The following ANKRD6 variants were observed in gnomAD, a reference collection of about 807,000 sequenced individuals.
The protein encoded by ANKRD6 is ankyrin repeat domain 6.
ANKRD6 carries 56 observed loss-of-function variants against 82.3 expected under a neutral mutation model. The observed-to-expected ratio is 0.68, with a 90% CI of 0.55 to 0.85. ANKRD6 has a LOEUF of 0.85. ANKRD6 is among the 40% of genes least tolerant of loss of function. ANKRD6 has a pLI of 0.00. For synonymous variants in ANKRD6, 347 were observed against 352.1 expected, an observed-to-expected ratio of 0.99 and a Z score of 0.16; for missense variants, 852 against 907.6, an observed-to-expected ratio of 0.94 and a Z score of 0.79.
chr6:89,523,376 A>T (rs928981170), intron 1 of ANKRD6, among the ~76,000 whole-genome samples: 3 of 152,202 alleles, frequency 2.0e-5, no homozygotes, highest in African/African-American at 7.2e-5. Context: ...TAAAGATAAG[A>T]TATTGAAGAA....
At chr6:89,514,409 T>G (rs746185585) in intron 1 of ANKRD6, among the ~76,000 whole-genome samples, 2 of 152,068 alleles carry the variant, frequency 1.3e-5, no homozygotes, top group Non-Finnish European at 2.9e-5. Flanking sequence ...GTTTTTGTTT[T>G]GTTTTGTTTT....
chr6:89,477,644 G>A (rs1254809766), intron 1 of ANKRD6, among the ~76,000 whole-genome samples: 1 of 151,782 alleles, frequency 6.6e-6, no homozygotes, highest in Non-Finnish European at 1.5e-5. Context: ...GGTGGCGGGT[G>A]CCTGTAGTCC....
intron 1 of ANKRD6, among the ~76,000 whole-genome samples, chr6:89,456,095 G>A (rs1311014178): frequency 1.3e-5 from 2 of 152,096 alleles, no homozygotes; most frequent in Admixed American, 6.6e-5. Context: ...GGCTGGTCTG[G>A]AACTCCTGAC....
chr6:89,479,444 A>C (rs1017791927), intron 1 of ANKRD6, among the ~76,000 whole-genome samples: 1 of 152,144 alleles, frequency 6.6e-6, no homozygotes, highest in African/African-American at 2.4e-5. Context: ...TACCAGATGG[A>C]GCTTTCCTGG....
Position 89,623,286 on chromosome 6 carries a change from G to T in ANKRD6, c.898-124G>T, listed in dbSNP as rs2128255531. 1.9e-5 allele frequency: 25 copies of T among 1,300,728 alleles called. 1 individual carries two copies. In the South Asian group the frequency reaches 4.0e-4, roughly 21 times the overall value. 80.6% of individuals were successfully genotyped at this position (1,300,728 alleles called of 1,614,324 possible). On this transcript the variant is annotated intron_variant, in intron 10 of 15. Transcript: ENST00000339746. ...AGTGTTTCCTATGTCTGAAATTTATGTTATTTGCAAAGGTTCTCGTGGGTC... is the reference window on the plus strand; with the variant it reads ...AGTGTTTCCTATGTCTGAAATTTATTTTATTTGCAAAGGTTCTCGTGGGTC...
At chr6:89,466,667 A>C (rs1038360700) in intron 1 of ANKRD6, among the ~76,000 whole-genome samples, 1 of 151,900 alleles carries the variant, frequency 6.6e-6, no homozygotes, top group South Asian at 2.1e-4. Context: ...CTTCCTGTAA[A>C]TTGTGAATTT....
At chr6:89,476,552 C>T (rs1776062183) in intron 1 of ANKRD6, among the ~76,000 whole-genome samples, 1 of 152,160 alleles carries the variant, frequency 6.6e-6, no homozygotes, top group Non-Finnish European at 1.5e-5. Flanking sequence ...TTCATCATGG[C>T]TATTTAAAAG....
intron 1 of ANKRD6, among the ~76,000 whole-genome samples, chr6:89,556,173 C>T (rs1206781178): frequency 2.0e-5 from 3 of 152,272 alleles, no homozygotes; most frequent in East Asian, 3.8e-4. Context: ...TGTTCTCAAC[C>T]TTTGCCATCT....
intron 1 of ANKRD6, among the ~76,000 whole-genome samples, chr6:89,513,851 T>TG: frequency 6.6e-6 from 1 of 152,360 alleles, no homozygotes; most frequent in Non-Finnish European, 1.5e-5. Flanking sequence ...ATTTATGGCA[T>TG]GGCAAAGCAA....
chr6:89,587,860 A>C (rs1318735312), intron 2 of ANKRD6, among the ~76,000 whole-genome samples: 2 of 152,260 alleles, frequency 1.3e-5, no homozygotes, highest in South Asian at 2.1e-4. Context: ...CAACAAGGAA[A>C]GAAAACTCTG....
intron 1 of ANKRD6, among the ~76,000 whole-genome samples, chr6:89,554,096 C>T (rs796158878): frequency 1.4e-4 from 22 of 152,310 alleles, no homozygotes; most frequent in African/African-American, 5.3e-4. Context: ...AGTTATTGAG[C>T]ATCCATTACG....
intron 9 of ANKRD6, chr6:89,619,814 G>A (rs1042772676): frequency 2.0e-5 from 3 of 152,162 alleles, no homozygotes; most frequent in Non-Finnish European, 4.4e-5. Flanking sequence ...GTAGTTGGAC[G>A]TGGATTTTAA....
At chr6:89,616,469 T>G (rs1276020159) in intron 7 of ANKRD6, 90 bp from the exon 8 acceptor site, 1 of 1,230,702 alleles carries the variant, frequency 8.1e-7, no homozygotes, top group Non-Finnish European at 1.2e-6. Context: ...AGTTTGACTT[T>G]GAAGAGCCAC....
intron 1 of ANKRD6, among the ~76,000 whole-genome samples, chr6:89,551,709 G>A (rs554408838): frequency 6.6e-6 from 1 of 152,348 alleles, no homozygotes; most frequent in Non-Finnish European, 1.5e-5. Flanking sequence ...TCACAGAAGA[G>A]TCTTAAGCTT....
At chr6:89,451,751 C>A (rs1220775468) in intron 1 of ANKRD6, among the ~76,000 whole-genome samples, 1 of 152,108 alleles carries the variant, frequency 6.6e-6, no homozygotes, top group Non-Finnish European at 1.5e-5. Context: ...TAAAAGTGAC[C>A]ATGTTTTTGT....
intron 1 of ANKRD6, among the ~76,000 whole-genome samples, chr6:89,486,683 A>C (rs778832108): frequency 4.6e-5 from 7 of 152,094 alleles, no homozygotes; most frequent in Non-Finnish European, 1.0e-4. Context: ...CATCTTGCCT[A>C]GGCTGGTCTC....
chr6:89,445,960 TA>T (rs1181353888), intron 1 of ANKRD6, among the ~76,000 whole-genome samples: 30 of 152,216 alleles, frequency 2.0e-4, no homozygotes, highest in African/African-American at 7.2e-4. Context: ...ACTTAATTAA[TA>T]AGTGTTGTAT....
At chr6:89,544,088 G>T (rs562239715) in intron 1 of ANKRD6, among the ~76,000 whole-genome samples, 1 of 152,126 alleles carries the variant, frequency 6.6e-6, no homozygotes, top group African/African-American at 2.4e-5. Context: ...TGAAGGAAGC[G>T]ACCTCTCGGC....
intron 1 of ANKRD6, among the ~76,000 whole-genome samples, chr6:89,453,347 T>TTATA (rs1359672865): frequency 2.0e-5 from 3 of 152,242 alleles, no homozygotes; most frequent in Admixed American, 6.5e-5. Flanking sequence ...TAGTAAAGTG[T>TTATA]TATACCCTGT....
Sources: gnomAD v4.1 joint callset for allele counts (sites outside exome capture counted in the v4.1 genomes callset) on GRCh38, gnomAD v4.1.1 for gene constraint, MANE v1.5 for transcripts, NCBI Gene and HGNC (gene_info 2026-07-23, HGNC 2026-07-21) for gene names.